The following NDRG2 variants were observed in gnomAD, a reference collection of about 807,000 sequenced individuals.
NDRG2 encodes NDRG family member 2.
NDRG2 carries 34 observed loss-of-function variants against 58.2 expected under a neutral mutation model. The ratio of observed to expected loss-of-function variants is 0.58; its 90% CI spans 0.44 to 0.78. NDRG2 has a LOEUF of 0.78. NDRG2 is among the 30% of genes least tolerant of loss of function. The probability of loss-of-function intolerance (pLI) is 0.00; values close to 1 mark genes in which losing one functional copy is unlikely to be tolerated. For synonymous variants in NDRG2, 187 were observed against 175.9 expected (o/e 1.06, Z -0.50); for missense variants, 434 against 471.2 (o/e 0.92, Z 0.73).
intron 1 of NDRG2, chr14:21,043,711 T>C (rs866416677): frequency 2.1e-6 from 1 of 471,812 alleles, no homozygotes; most frequent in Non-Finnish European, 3.9e-6. Context: ...GTGGGTTCCC[T>C]GGTCTATGCC....
intron 1 of NDRG2, chr14:21,032,926 A>C: frequency 2.2e-6 from 1 of 455,886 alleles, no homozygotes; most frequent in South Asian, 1.5e-5. Context: ...CCCAATGGTT[A>C]CATCTTACAT....
upstream of NDRG2, chr14:21,025,762 G>GT: frequency 7.6e-6 from 2 of 263,158 alleles, no homozygotes; most frequent in South Asian, 1.6e-4. This position sits in a 1 kb window ranked among gnomAD's most constrained non-coding sequence, Gnocchi z 5.1. Context: ...TGGGGGCGGG[G>GT]AATGCGGGGG....
chr14:21,065,981 C>A (rs1002350981), intron 1 of NDRG2, among the ~76,000 whole-genome samples: 1 of 152,136 alleles, frequency 6.6e-6, no homozygotes. Context: ...AGCCTGTAAA[C>A]CCAACTACTT....
chr14:21,021,456 G>A lies in NDRG2; in HGVS notation c.407+361C>T, dbSNP rs902211305. 1.6e-4 allele frequency: 52 copies of A among 319,320 alleles called. 1 individual carries two copies. Among genetic ancestry groups the A allele is most frequent in the Non-Finnish European group, 5.4e-5 (9 of 165,780 alleles). 19.8% of individuals were successfully genotyped at this position (319,320 alleles called of 1,614,324 possible). ...CAGAGCTCCCCATCCACCAGGTGTG[G>A]GCATGAAGGAGAGGGGAGTGGGAGA... On this transcript the variant is annotated intron_variant, in intron 6 of 15. Transcript: ENST00000556147.
At chr14:21,049,026 T>TC (rs1277913773) in intron 1 of NDRG2, among the ~76,000 whole-genome samples, 1 of 152,224 alleles carries the variant, frequency 6.6e-6, no homozygotes, top group Non-Finnish European at 1.5e-5. Context: ...GGGAAGTTTT[T>TC]CTCCTCTGCA....
intron 1 of NDRG2, among the ~76,000 whole-genome samples, chr14:21,067,691 A>G (rs1886341593): frequency 6.6e-6 from 1 of 152,006 alleles, no homozygotes; most frequent in Non-Finnish European, 1.5e-5. Flanking sequence ...TTTCTCCCTT[A>G]TAACTTTACC....
At chr14:21,019,508 C>T in intron 10 of NDRG2, 131 bp downstream of exon 10, 1 of 657,738 alleles carries the variant, frequency 1.5e-6, no homozygotes, top group Non-Finnish European at 2.7e-6. Context: ...GCCCCCATTG[C>T]ACACTAAATG....
At chr14:21,051,264 A>G (rs1324172753) in intron 1 of NDRG2, among the ~76,000 whole-genome samples, 1 of 152,194 alleles carries the variant, frequency 6.6e-6, no homozygotes, top group Non-Finnish European at 1.5e-5. Flanking sequence ...GGGCATTGGA[A>G]AGGTCCTTTT....
chr14:21,043,109 T>G, intron 1 of NDRG2: 2 of 1,614,132 alleles, frequency 1.2e-6, no homozygotes, highest in Non-Finnish European at 1.7e-6. Flanking sequence ...CACAGTGGTT[T>G]AAAATTCAGC....
At position 21,057,922 on chromosome 14, in the gene NDRG2, CCTG is replaced by C. The variant is rs775388608; in HGVS notation, c.24+12903_24+12905del. On this transcript the variant is annotated intron_variant, in intron 1 of 14. Coordinates refer to the NDRG2 transcript ENST00000403829. ...CACCGGCCAGAGCAGGATGCTGCCC[CCTG>C]CTGCTGCTGCTTCTGGGGCTGTGGG... 2.6e-5 allele frequency: 42 copies of C among 1,608,486 alleles called. No individual in the cohort carries two copies. The East Asian group carries it at 8.7e-4, about 33-fold the overall frequency.
chr14:21,025,358 T>TC, upstream of NDRG2: 1 of 984,988 alleles, frequency 1.0e-6, no homozygotes, highest in Non-Finnish European at 1.2e-6. This position sits in a 1 kb window ranked among gnomAD's most constrained non-coding sequence, Gnocchi z 5.1. Flanking sequence ...CTGAGAGGGA[T>TC]CCCTCGGCTG....
intron 1 of NDRG2, among the ~76,000 whole-genome samples, chr14:21,037,237 C>G (rs186086174): frequency 6.6e-6 from 1 of 152,370 alleles, no homozygotes; most frequent in Middle Eastern, 3.4e-3. Flanking sequence ...GGCTTCCCAA[C>G]TGCAATCCTG....
rs1419951317 is a variant in NDRG2, at chr14:21,021,825, C to T, written c.399G>A (p.Gln133=). Reference sequence around the variant, plus strand: ...GTTCCCAGGCCTCTCACTTTAGGTACTGCAGGACGCAAGGGATCATGTCTG... The same window carrying T: ...GTTCCCAGGCCTCTCACTTTAGGTATTGCAGGACGCAAGGGATCATGTCTG... The part of the protein sequence containing the change: ...QLADMIPCVL[Q]YLNFSTIIGV... Residue 133 remains glutamine (Q), a synonymous_variant, in exon 6 of 16, where the codon CAG becomes CAA. Coordinates refer to ENST00000556147, the MANE Select transcript of NDRG2 (RefSeq NM_001320329.2). 2 of 1,612,800 alleles carry T rather than the reference C, an allele frequency of 1.2e-6. No homozygotes were observed. The highest frequency in any genetic ancestry group is 1.7e-6 in the Non-Finnish European group (2 of 1,179,416).
At chr14:21,058,388 T>C in intron 1 of NDRG2, 6 of 1,468,318 alleles carry the variant, frequency 4.1e-6, no homozygotes, top group Non-Finnish European at 5.6e-6. Context: ...CCTCACACTC[T>C]GCAGACTGTA....
intron 1 of NDRG2, among the ~76,000 whole-genome samples, chr14:21,065,820 C>T (rs72671110): frequency 0.05 from 7,652 of 152,222 alleles, 247 homozygotes; most frequent in Non-Finnish European, 0.071. Flanking sequence ...AAGAAGGGGC[C>T]GAATGCAGTG....
At chr14:21,026,667 C>T (rs1332057765), upstream of NDRG2, among the ~76,000 whole-genome samples, 1 of 152,082 alleles carries the variant, frequency 6.6e-6, no homozygotes, top group African/African-American at 2.4e-5. Flanking sequence ...CAGCCTTCAA[C>T]AACCCCAAAT....
intron 6 of NDRG2, chr14:21,021,301 C>T (rs773029398): frequency 8.3e-6 from 3 of 361,578 alleles, no homozygotes; most frequent in Non-Finnish European, 1.6e-5. Flanking sequence ...AAGTGGTGAA[C>T]CAGAGCTGCT....
Position 21,020,227 on chromosome 14 carries a change from G to T in NDRG2, c.556-251C>A. ...GAGAATCACTTGAACCCAGGAAGCA[G>T]AGGTTGCAGTGAGCCAAGATCAAGC... On this transcript the variant is annotated intron_variant, in intron 8 of 15. Coordinates refer to ENST00000556147, the MANE Select transcript of NDRG2 (RefSeq NM_001320329.2). 3 of 538,608 alleles carry T rather than the reference G, an allele frequency of 5.6e-6. No homozygotes were observed. In the South Asian group the frequency reaches 6.3e-5, roughly 11 times the overall value. The allele number at this position is 538,608 out of a possible 1,614,324, so 33.4% of individuals were successfully genotyped here. A position where few individuals can be genotyped will look rare whatever the true frequency, so the allele number is the denominator to read the frequency against.
At chr14:21,069,865 G>A (rs540536432) in intron 1 of NDRG2, among the ~76,000 whole-genome samples, 77 of 152,344 alleles carry the variant, frequency 5.1e-4, no homozygotes, top group African/African-American at 1.8e-3. Flanking sequence ...GTTAGAGCGG[G>A]GAGGCTTTCC....
Sources: allele counts gnomAD v4.1 joint callset (sites outside exome capture counted in the v4.1 genomes callset), GRCh38; gene constraint gnomAD v4.1.1; non-coding constraint Gnocchi (gnomAD v3.1); transcripts MANE v1.5; gene names NCBI Gene and HGNC (gene_info 2026-07-23, HGNC 2026-07-21).